ABCB1: variants seen among roughly 807,000 people sequenced by gnomAD.
ABCB1 encodes ATP-dependent translocase ABCB1.
A neutral mutation model predicts 142.0 loss-of-function variants in ABCB1; 69 were observed. The observed-to-expected ratio is 0.49, with a 90% CI of 0.40 to 0.59. ABCB1 has a LOEUF of 0.59. Ranked by LOEUF, ABCB1 falls within the 20% of genes least tolerant of loss-of-function variation. The probability of loss-of-function intolerance (pLI) is 0.00; values close to 1 mark genes in which losing one functional copy is unlikely to be tolerated. For missense variants in ABCB1, 1,326 were observed against 1,554.7 expected, an observed-to-expected ratio of 0.85 and a Z score of 2.47; for synonymous variants, 532 against 539.2, an observed-to-expected ratio of 0.99 and a Z score of 0.18.
intron 1 of ABCB1, among the ~76,000 whole-genome samples, chr7:87,623,564 G>C (rs1274896562): frequency 6.6e-6 from 1 of 152,154 alleles, no homozygotes; most frequent in Admixed American, 6.5e-5. Context: ...ATGCTCTCTG[G>C]AACTTTTGCT....
intron 1 of ABCB1, among the ~76,000 whole-genome samples, chr7:87,608,110 G>A (rs1017793642): frequency 6.6e-6 from 1 of 152,120 alleles, no homozygotes; most frequent in African/African-American, 2.4e-5. Context: ...AGCAAATTTT[G>A]CCTTTTACTG....
At chr7:87,636,500 C>T (rs1459765646) in intron 1 of ABCB1, among the ~76,000 whole-genome samples, 2 of 152,062 alleles carry the variant, frequency 1.3e-5, no homozygotes, top group Non-Finnish European at 2.9e-5. Flanking sequence ...ATGCAAATGT[C>T]TTCCATTTGG....
At chr7:87,639,018 G>A (rs989457382) in intron 1 of ABCB1, among the ~76,000 whole-genome samples, 7 of 152,184 alleles carry the variant, frequency 4.6e-5, no homozygotes, top group African/African-American at 1.7e-4. Context: ...CAGGCGTGAT[G>A]GCAGGCGCCT....
intron 1 of ABCB1, among the ~76,000 whole-genome samples, chr7:87,652,430 C>T (rs754286908): frequency 1.3e-5 from 2 of 151,948 alleles, no homozygotes; most frequent in Non-Finnish European, 2.9e-5. Context: ...TATTTCTAAA[C>T]AATCAAATCC....
At chr7:87,684,711 G>GCAC (rs1264649114) in intron 1 of ABCB1, among the ~76,000 whole-genome samples, 2 of 122,258 alleles carry the variant, frequency 1.6e-5, no homozygotes, top group Non-Finnish European at 3.2e-5. Flanking sequence ...TCGTGCCACT[G>GCAC]CACTCCAGCC....
intron 1 of ABCB1, among the ~76,000 whole-genome samples, chr7:87,687,156 T>G (rs906966071): frequency 6.6e-6 from 1 of 152,194 alleles, no homozygotes; most frequent in Non-Finnish European, 1.5e-5. Flanking sequence ...ATTCTTAATA[T>G]TTTTTCAGTT....
intron 1 of ABCB1, among the ~76,000 whole-genome samples, chr7:87,622,604 A>C (rs1342284507): frequency 6.6e-6 from 1 of 152,248 alleles, no homozygotes; most frequent in Non-Finnish European, 1.5e-5. Context: ...ACTATATTGC[A>C]TGAGTGATAC....
chr7:87,504,251 G>A lies in ABCB1; in HGVS notation c.3835C>T (p.Arg1279Cys), dbSNP rs137996914. The A allele has an allele frequency of 1.9e-5, 30 of 1,614,030 alleles. No homozygotes were observed. Among genetic ancestry groups the A allele is most frequent in the East Asian group, 1.1e-4 (5 of 44,890 alleles). The stretch of plus-strand genomic sequence containing the variant: ...TCTCATACAGTCAGAGTTCACTGGC[G>A]CTTTGTTCCAGCCTGGACACTGACC... ...SMVSVQAGTK[R>C]Q is the part of the protein sequence containing the mutation. Residue 1279 changes from arginine (R) to cysteine (C), a missense_variant, in exon 28 of 28, where the codon CGC becomes TGC. By Grantham distance (180) the Arg-to-Cys change is radical. Coordinates refer to ENST00000622132, the MANE Select transcript of ABCB1 (RefSeq NM_001348946.2).
rs1814613699 is a variant in ABCB1, at chr7:87,504,185, A to G, written c.*58T>C. On this transcript the variant is annotated 3_prime_UTR_variant, in exon 28 of 28. Coordinates refer to ENST00000622132, the MANE Select transcript of ABCB1 (RefSeq NM_001348946.2). Reference sequence around the variant, plus strand: ...TGTAAGTGTTTGCTTTTAACTTTGAATAAATGTCATATCTAAACAAATATT... The same window carrying G: ...TGTAAGTGTTTGCTTTTAACTTTGAGTAAATGTCATATCTAAACAAATATT... 2 of 1,604,372 alleles carry G rather than the reference A, an allele frequency of 1.2e-6. No individual in the cohort carries two copies. Among genetic ancestry groups the G allele is most frequent in the Admixed American group, 1.7e-5 (1 of 59,706 alleles).
intron 1 of ABCB1, among the ~76,000 whole-genome samples, chr7:87,618,900 AG>A (rs1313917886): frequency 2.0e-5 from 3 of 152,198 alleles, no homozygotes; most frequent in Non-Finnish European, 2.9e-5. Flanking sequence ...GCCGGAAATC[AG>A]GGACCCCACT....
chr7:87,629,113 G>A, intron 1 of ABCB1: 1 of 549,604 alleles, frequency 1.8e-6, no homozygotes, highest in Non-Finnish European at 2.8e-6. Context: ...CAGGGGCCCG[G>A]GTCTGGACAC....
chr7:87,643,328 T>A (rs1382249307), intron 1 of ABCB1, among the ~76,000 whole-genome samples: 1 of 152,284 alleles, frequency 6.6e-6, no homozygotes, highest in Non-Finnish European at 1.5e-5. Flanking sequence ...TGGTTGGGAC[T>A]TTTTTTGGTT....
intron 4 of ABCB1, among the ~76,000 whole-genome samples, chr7:87,574,211 C>T (rs975283824): frequency 1.3e-4 from 20 of 151,992 alleles, no homozygotes; most frequent in African/African-American, 2.4e-4. Flanking sequence ...TAGAGAGACA[C>T]GGAAGGAACA....
chr7:87,566,365 T>C, intron 6 of ABCB1, 124 bp from the exon 7 acceptor site: 1 of 987,524 alleles, frequency 1.0e-6, no homozygotes, highest in Non-Finnish European at 1.6e-6. Context: ...CTTTGTTTTA[T>C]TTAGCAGGGT....
At chr7:87,699,874 A>G (rs1828862069) in intron 1 of ABCB1, among the ~76,000 whole-genome samples, 1 of 152,210 alleles carries the variant, frequency 6.6e-6, no homozygotes, top group Admixed American at 6.5e-5. Context: ...ATGGTTGGGT[A>G]GGTGGTTATG....
intron 1 of ABCB1, among the ~76,000 whole-genome samples, chr7:87,712,623 A>T (rs1007590278): frequency 6.6e-6 from 1 of 152,088 alleles, no homozygotes; most frequent in African/African-American, 2.4e-5. Context: ...TCTTCAATAG[A>T]TTATTTTTAG....
rs1815258261 is a variant in ABCB1, at chr7:87,516,558, A to G, written c.3035T>C (p.Ile1012Thr). Reference sequence around the variant, plus strand: ...GCTGTCAATCAAAGGGGTTTTTTCAATGATCATGATGATGTGGGCTGCTGA... The same window carrying G: ...GCTGTCAATCAAAGGGGTTTTTTCAGTGATCATGATGATGTGGGCTGCTGA... ...KISAAHIIMI[I>T]EKTPLIDSYS... is the part of the protein sequence containing the mutation. Residue 1012 changes from isoleucine to threonine, a missense_variant, in exon 24 of 28, where the codon ATT becomes ACT. Physicochemically the swap from Ile to Thr is moderately conservative, Grantham distance 89 (BLOSUM62 -1). Coordinates refer to ENST00000622132, the MANE Select transcript of ABCB1 (RefSeq NM_001348946.2). 1.9e-6 allele frequency: 3 copies of G among 1,614,214 alleles called. No individual in the cohort carries two copies. The highest frequency in any genetic ancestry group is 2.5e-6 in the Non-Finnish European group (3 of 1,180,034).
intron 20 of ABCB1, among the ~76,000 whole-genome samples, chr7:87,532,607 C>A (rs967124083): frequency 6.6e-6 from 1 of 152,170 alleles, no homozygotes; most frequent in Non-Finnish European, 1.5e-5. Flanking sequence ...ATGGGAGGAA[C>A]CCTCAGTTCT....
intron 1 of ABCB1, among the ~76,000 whole-genome samples, chr7:87,671,448 G>A (rs923562782): frequency 1.3e-5 from 2 of 152,138 alleles, no homozygotes; most frequent in Non-Finnish European, 2.9e-5. Context: ...TCTGAGAATG[G>A]GCACCTACTT....
Sources: gnomAD v4.1 joint callset for allele counts (sites outside exome capture counted in the v4.1 genomes callset) on GRCh38, gnomAD v4.1.1 for gene constraint, MANE v1.5 for transcripts, NCBI Gene and HGNC (gene_info 2026-07-23, HGNC 2026-07-21) for gene names.